The following LIPA variants were observed in gnomAD, a reference collection of about 807,000 sequenced individuals.
The protein encoded by LIPA is lysosomal acid lipase/cholesteryl ester hydrolase.
A neutral mutation model predicts 40.6 loss-of-function variants in LIPA; 26 were observed. The ratio of observed to expected loss-of-function variants is 0.64; its 90% CI spans 0.47 to 0.89. LIPA has a LOEUF of 0.89. Among genes scored for constraint, LIPA ranks in the 40% least tolerant of loss-of-function variants. The pLI is 0.00. For synonymous variants in LIPA, 188 were observed against 168.4 expected, an observed-to-expected ratio of 1.12 and a Z score of -0.90; for missense variants, 455 against 479.6, an observed-to-expected ratio of 0.95 and a Z score of 0.48.
chr10:89,252,417 T>C (rs1843139546), upstream of LIPA, among the ~76,000 whole-genome samples: 1 of 152,168 alleles, frequency 6.6e-6, no homozygotes, highest in Admixed American at 6.5e-5. Flanking sequence ...TTGTATATAT[T>C]CTGATGGGAA....
rs181912127 is a variant in LIPA, at chr10:89,367,720, C to G, written c.61+45071G>C. 1.3e-3 allele frequency among the ~76,000 whole-genome samples: 194 copies of G among 152,308 alleles called. 1 individual carries two copies. Among genetic ancestry groups the G allele is most frequent in the African/African-American group, 4.5e-3 (189 of 41,566 alleles). Reference sequence around the variant, plus strand: ...CCAGCACCTATTATGTGTGAGAGAACTGTGACTGTGAGTTTTGAGCGTTTG... The same window carrying G: ...CCAGCACCTATTATGTGTGAGAGAAGTGTGACTGTGAGTTTTGAGCGTTTG... On this transcript the variant is annotated intron_variant, in intron 2 of 8. Coordinates refer to the LIPA transcript ENST00000371837.
chr10:89,392,958 CCAAAGAA>C, intron 2 of LIPA: 1 of 664,416 alleles, frequency 1.5e-6, no homozygotes, highest in Non-Finnish European at 2.5e-6. Context: ...ATGCTATAGC[CCAAAGAA>C]GGGGAGGGAA....
At chr10:89,234,316 T>C (rs565055009) in intron 3 of LIPA, among the ~76,000 whole-genome samples, 1 of 152,256 alleles carries the variant, frequency 6.6e-6, no homozygotes, top group African/African-American at 2.4e-5. Flanking sequence ...ACACAGGGAA[T>C]AGGAAGGACT....
chr10:89,409,341 G>A (rs1199118413), intron 2 of LIPA, among the ~76,000 whole-genome samples: 1 of 152,186 alleles, frequency 6.6e-6, no homozygotes, highest in Non-Finnish European at 1.5e-5. Context: ...ACAAACCTTG[G>A]TGGTTCAGAG....
At chr10:89,295,283 C>T (rs915882581) in intron 1 of LIPA, among the ~76,000 whole-genome samples, 3 of 151,800 alleles carry the variant, frequency 2.0e-5, no homozygotes, top group African/African-American at 4.8e-5. Context: ...CTAACAAGTG[C>T]GAATACTATT....
intron 2 of LIPA, among the ~76,000 whole-genome samples, chr10:89,371,045 T>G (rs1206967983): frequency 6.6e-6 from 1 of 151,978 alleles, no homozygotes. Flanking sequence ...AACAAAAAAT[T>G]TTCTCCAAGT....
intron 1 of LIPA, among the ~76,000 whole-genome samples, chr10:89,267,385 C>T (rs1446005623): frequency 1.3e-5 from 2 of 152,028 alleles, no homozygotes; most frequent in African/African-American, 4.8e-5. Context: ...GAAAATTATT[C>T]CTTAGTAGAC....
chr10:89,277,616 C>T (rs561280795), intron 1 of LIPA, among the ~76,000 whole-genome samples: 1 of 152,272 alleles, frequency 6.6e-6, no homozygotes, highest in South Asian at 2.1e-4. Context: ...TTTCTGAGTT[C>T]AGCTTCCCTA....
At chr10:89,353,271 T>A (rs1843969625) in intron 2 of LIPA, among the ~76,000 whole-genome samples, 2 of 152,214 alleles carry the variant, frequency 1.3e-5, no homozygotes, top group Non-Finnish European at 2.9e-5. Flanking sequence ...CTCAAGCATG[T>A]GCACTAAGAG....
intron 1 of LIPA, chr10:89,307,483 T>A: frequency 1.1e-6 from 1 of 887,070 alleles, no homozygotes; most frequent in Non-Finnish European, 1.7e-6. Flanking sequence ...AAGATTGGAC[T>A]AAGACACTGG....
chr10:89,274,108 G>T (rs2133494326), intron 1 of LIPA, among the ~76,000 whole-genome samples: 1 of 152,326 alleles, frequency 6.6e-6, no homozygotes. Flanking sequence ...AAAACTATAG[G>T]AACTACTGGA....
intron 2 of LIPA, among the ~76,000 whole-genome samples, chr10:89,353,208 G>T (rs572728618): frequency 2.6e-5 from 4 of 152,328 alleles, no homozygotes; most frequent in African/African-American, 9.6e-5. Flanking sequence ...AGAAATACCT[G>T]AAATTGGTAA....
intron 9 of LIPA, 34 bp from the exon 10 acceptor site, chr10:89,215,095 G>T (rs1842607838): frequency 1.4e-6 from 2 of 1,469,058 alleles, no homozygotes; most frequent in African/African-American, 2.8e-5. Flanking sequence ...AAGCCTCGTT[G>T]TTGTTGTTGT....
At chr10:89,370,755 T>C (rs1407050999) in intron 2 of LIPA, among the ~76,000 whole-genome samples, 2 of 152,128 alleles carry the variant, frequency 1.3e-5, no homozygotes, top group African/African-American at 2.4e-5. Flanking sequence ...TGGTGGCTCA[T>C]GCCTGTAATC....
intron 2 of LIPA, among the ~76,000 whole-genome samples, chr10:89,397,426 C>A (rs1844360398): frequency 6.6e-6 from 1 of 151,890 alleles, no homozygotes; most frequent in African/African-American, 2.4e-5. Context: ...CATAATAATA[C>A]ATGGCTTCAG....
At chr10:89,352,923 G>C (rs1006124275) in intron 2 of LIPA, among the ~76,000 whole-genome samples, 1 of 151,754 alleles carries the variant, frequency 6.6e-6, no homozygotes, top group South Asian at 2.1e-4. Context: ...CTGATAGCTT[G>C]TCTTCACCAG....
chr10:89,293,282 G>T (rs1843386927), intron 1 of LIPA, among the ~76,000 whole-genome samples: 1 of 152,070 alleles, frequency 6.6e-6, no homozygotes, highest in Admixed American at 6.6e-5. Context: ...CCTCCCCATG[G>T]AACTGTGATT....
chr10:89,339,715 G>A, intron 1 of LIPA: 1 of 1,614,192 alleles, frequency 6.2e-7, no homozygotes, highest in South Asian at 1.1e-5. Context: ...GGAAGTCCCT[G>A]ATGCTGAAAA....
Position 89,247,657 on chromosome 10 carries a change from A to T in LIPA, c.-1-8T>A, listed in dbSNP as rs375550137. The T allele has an allele frequency of 6.4e-7, 1 of 1,550,452 alleles. No homozygotes were observed. The highest frequency in any genetic ancestry group is 8.9e-7 in the Non-Finnish European group (1 of 1,122,160). ...AAGAACCGCATTTTCATTCTGTATAATAAAACAGTCTATTATTATTTGCTT... is the reference window on the plus strand; with the variant it reads ...AAGAACCGCATTTTCATTCTGTATATTAAAACAGTCTATTATTATTTGCTT... On this transcript the variant is annotated splice_region_variant and splice_polypyrimidine_tract_variant and intron_variant, in intron 1 of 9. Coordinates refer to ENST00000336233, the MANE Select transcript of LIPA (RefSeq NM_000235.4).
Sources: allele counts gnomAD v4.1 joint callset (sites outside exome capture counted in the v4.1 genomes callset), GRCh38; gene constraint gnomAD v4.1.1; transcripts MANE v1.5; gene names NCBI Gene and HGNC (gene_info 2026-07-23, HGNC 2026-07-21).